AUTS2: variants seen among roughly 807,000 people sequenced by gnomAD.
AUTS2 encodes the protein autism susceptibility gene 2 protein.
Under a neutral mutation model 112.4 loss-of-function variants are expected in AUTS2, and 17 were observed. The observed-to-expected ratio is 0.15, with a 90% CI of 0.10 to 0.23. The LOEUF is 0.23. Among genes scored for constraint, AUTS2 ranks in the 10% least tolerant of loss-of-function variants. AUTS2 has a pLI of 1.00. For synonymous variants in AUTS2, 751 were observed against 702.7 expected (o/e 1.07, Z -1.09); for missense variants, 1,510 against 1,701.6 (o/e 0.89, Z 1.98).
chr7:70,782,117 G>T (rs1791130395), intron 15 of AUTS2: 1 of 243,932 alleles, frequency 4.1e-6, no homozygotes, highest in Non-Finnish European at 7.9e-6. Context: ...ATTATAGAAG[G>T]ATGCGGTCGC....
In AUTS2 at chr7:69,801,018, C is replaced by T. The variant is rs117929091; in HGVS notation, c.310-98268C>T. On this transcript the variant is annotated intron_variant, in intron 1 of 18. Transcript: ENST00000342771. ...GTATGCTTCTATGGTCCCCTCATTT[C>T]CCCTAGAATAACTTACTACAGTTTT... Among the ~76,000 whole-genome samples, 9 of 152,172 alleles carry T rather than the reference C, an allele frequency of 5.9e-5. No homozygotes were observed. In the East Asian group the frequency reaches 1.7e-3, roughly 29 times the overall value.
chr7:70,008,081 AATC>A (rs1799626987), intron 2 of AUTS2, among the ~76,000 whole-genome samples: 1 of 152,162 alleles, frequency 6.6e-6, no homozygotes, highest in Non-Finnish European at 1.5e-5. Flanking sequence ...TTGTATACAA[AATC>A]ATCATGTGTT....
chr7:70,493,166 GT>G (rs1028045461), intron 5 of AUTS2, among the ~76,000 whole-genome samples: 3 of 152,132 alleles, frequency 2.0e-5, no homozygotes, highest in African/African-American at 7.2e-5. Context: ...GTGGGAAAAG[GT>G]ATATTTCCAC....
intron 5 of AUTS2, among the ~76,000 whole-genome samples, chr7:70,449,462 A>G (rs1796443172): frequency 6.6e-6 from 1 of 152,166 alleles, no homozygotes; most frequent in South Asian, 2.1e-4. Flanking sequence ...TGTTGTCCAA[A>G]TGTGCTTCTC....
At chr7:70,524,437 T>C (rs904268741) in intron 5 of AUTS2, among the ~76,000 whole-genome samples, 28 of 152,224 alleles carry the variant, frequency 1.8e-4, no homozygotes, top group African/African-American at 5.5e-4. Context: ...CTCATCCACA[T>C]TGATAAATAT....
At position 70,409,033 on chromosome 7, in the gene AUTS2, C is replaced by T. The variant is rs570502576; in HGVS notation, c.661-26719C>T. ...GTTGTAGAAGTAATTTCAACTGGCA[C>T]GTCACATGAAGGAACAGATTTGAAA... On this transcript the variant is annotated intron_variant, in intron 4 of 18. Transcript: ENST00000342771. Among the ~76,000 whole-genome samples, 7 of 152,316 alleles carry T rather than the reference C, an allele frequency of 4.6e-5. No individual in the cohort carries two copies. The South Asian group carries it at 6.2e-4, about 14-fold the overall frequency.
intron 6 of AUTS2, among the ~76,000 whole-genome samples, chr7:70,736,935 C>G (rs909261941): frequency 1.3e-4 from 20 of 152,148 alleles, no homozygotes; most frequent in African/African-American, 4.8e-4. Context: ...TGTAAATCAC[C>G]GGCATTCCTG....
intron 1 of AUTS2, among the ~76,000 whole-genome samples, chr7:69,845,377 T>A (rs539517583): frequency 6.6e-6 from 1 of 152,270 alleles, no homozygotes; most frequent in East Asian, 1.9e-4. Flanking sequence ...AGACCTTGAT[T>A]GGCGTAGATC....
At chr7:69,726,165 TG>T (rs1310868025) in intron 1 of AUTS2, among the ~76,000 whole-genome samples, 1 of 152,202 alleles carries the variant, frequency 6.6e-6, no homozygotes, top group Non-Finnish European at 1.5e-5. Context: ...AGTCAGAACC[TG>T]AAAAAGTTTT....
At chr7:69,709,416 G>A (rs1385672457) in intron 1 of AUTS2, among the ~76,000 whole-genome samples, 1 of 152,176 alleles carries the variant, frequency 6.6e-6, no homozygotes, top group Non-Finnish European at 1.5e-5. Flanking sequence ...TGAGCAGGAG[G>A]ATGGAGTTCT....
At chr7:69,940,148 C>T (rs538054366) in intron 2 of AUTS2, among the ~76,000 whole-genome samples, 53 of 152,318 alleles carry the variant, frequency 3.5e-4, no homozygotes, top group African/African-American at 1.2e-3. Flanking sequence ...GGTTTCACAA[C>T]TTACAAATAG....
At chr7:69,754,538 T>C (rs1248938698) in intron 1 of AUTS2, among the ~76,000 whole-genome samples, 1 of 151,954 alleles carries the variant, frequency 6.6e-6, no homozygotes. Flanking sequence ...TGGTAGAAGA[T>C]GAAGGGTGGA....
In AUTS2 at chr7:69,856,184, G is replaced by A. The variant is rs114805553; in HGVS notation, c.310-43102G>A. Among the ~76,000 whole-genome samples, 444 of 152,078 alleles carry A rather than the reference G, an allele frequency of 2.9e-3. 5 individuals carry two copies. Among genetic ancestry groups the A allele is most frequent in the African/African-American group, 0.01 (430 of 41,484 alleles). Reference sequence around the variant, plus strand: ...CCCCAACTTTTAACTGAGTACTTTAGAAATAGGCTGAGTCCCAAGGGGTCA... The same window carrying A: ...CCCCAACTTTTAACTGAGTACTTTAAAAATAGGCTGAGTCCCAAGGGGTCA... On this transcript the variant is annotated intron_variant, in intron 1 of 18. Transcript: ENST00000342771.
At chr7:70,026,904 G>A (rs1800546414) in intron 2 of AUTS2, among the ~76,000 whole-genome samples, 3 of 152,060 alleles carry the variant, frequency 2.0e-5, no homozygotes, top group South Asian at 4.1e-4. Context: ...GTGATACTAT[G>A]TGCAGATGGT....
At chr7:69,966,828 TTAGTAG>T (rs1164631546) in intron 2 of AUTS2, among the ~76,000 whole-genome samples, 2 of 152,146 alleles carry the variant, frequency 1.3e-5, no homozygotes, top group East Asian at 3.9e-4. Context: ...GTTTAATGAG[TTAGTAG>T]TAGTATAACA....
intron 1 of AUTS2, among the ~76,000 whole-genome samples, chr7:69,710,883 T>G (rs1445557775): frequency 6.6e-6 from 1 of 152,220 alleles, no homozygotes. Flanking sequence ...GCCCACCATC[T>G]CAGAGACAGA....
At chr7:70,510,627 G>A (rs1005620477) in intron 5 of AUTS2, among the ~76,000 whole-genome samples, 1 of 152,116 alleles carries the variant, frequency 6.6e-6, no homozygotes, top group African/African-American at 2.4e-5. Flanking sequence ...TACATGACAT[G>A]TGATTTAAAA....
chr7:70,555,145 CAG>C (rs558958523), intron 5 of AUTS2, among the ~76,000 whole-genome samples: 120 of 152,212 alleles, frequency 7.9e-4, no homozygotes, highest in Non-Finnish European at 1.4e-3. Flanking sequence ...ACAGTGGAGA[CAG>C]AGAAGGGATG....
chr7:70,628,186 C>T (rs1207789935), intron 5 of AUTS2, among the ~76,000 whole-genome samples: 5 of 151,936 alleles, frequency 3.3e-5, no homozygotes, highest in Admixed American at 2.6e-4. Flanking sequence ...TAAGCAGAGG[C>T]CAGATCAAAA....
Sources: gnomAD v4.1 joint callset for allele counts (sites outside exome capture counted in the v4.1 genomes callset) on GRCh38, gnomAD v4.1.1 for gene constraint, MANE v1.5 for transcripts, NCBI Gene and HGNC (gene_info 2026-07-23, HGNC 2026-07-21) for gene names.